Variants in TMEM132C observed in about 807,000 individuals in gnomAD.
TMEM132C encodes the protein protein phosphatase 1, regulatory subunit 152.
A neutral mutation model predicts 61.4 loss-of-function variants in TMEM132C; 29 were observed. The observed-to-expected ratio is 0.47, with a 90% CI of 0.35 to 0.64. TMEM132C has a LOEUF of 0.64. Among genes scored for constraint, TMEM132C ranks in the 30% least tolerant of loss-of-function variants. The probability of loss-of-function intolerance (pLI) is 0.00; values close to 1 mark genes in which losing one functional copy is unlikely to be tolerated. For missense variants in TMEM132C, 1,408 were observed against 1,476.9 expected, an observed-to-expected ratio of 0.95 and a Z score of 0.76; for synonymous variants, 656 against 633.1, an observed-to-expected ratio of 1.04 and a Z score of -0.54.
At chr12:128,506,723 A>G (rs887572338) in intron 2 of TMEM132C, among the ~76,000 whole-genome samples, 1 of 152,232 alleles carries the variant, frequency 6.6e-6, no homozygotes, top group East Asian at 1.9e-4. Context: ...AGTGGCTCCC[A>G]TGCTCCTGTC....
intron 2 of TMEM132C, among the ~76,000 whole-genome samples, chr12:128,451,461 C>G (rs979453817): frequency 6.6e-6 from 1 of 152,148 alleles, no homozygotes; most frequent in Non-Finnish European, 1.5e-5. Context: ...CTGCTACCCC[C>G]GGCAGGAAAG....
In TMEM132C at chr12:128,472,508, C is replaced by A. The variant is rs143916613; in HGVS notation, c.974+56888C>A. 9.8e-5 allele frequency among the ~76,000 whole-genome samples: 15 copies of A among 152,358 alleles called. No individual in the cohort carries two copies. In the East Asian group the frequency reaches 2.3e-3, roughly 24 times the overall value. On this transcript the variant is annotated intron_variant, in intron 2 of 8. Coordinates refer to ENST00000435159, the MANE Select transcript of TMEM132C (RefSeq NM_001136103.3). ...GGGGGCTCCAGGTCCAATCTGTTCC[C>A]TACCTTCCAGGGAACATGTGTGCAC...
At chr12:128,693,273 G>A (rs1954733169) in intron 5 of TMEM132C, among the ~76,000 whole-genome samples, 1 of 152,198 alleles carries the variant, frequency 6.6e-6, no homozygotes. Flanking sequence ...GGGGTGGGTT[G>A]TGGGTGCAGC....
At chr12:128,492,966 G>A (rs945090726) in intron 2 of TMEM132C, among the ~76,000 whole-genome samples, 4 of 152,026 alleles carry the variant, frequency 2.6e-5, no homozygotes, top group African/African-American at 7.2e-5. Flanking sequence ...TTTCTTCTAG[G>A]GTTTTTATGG....
chr12:128,379,204 T>C (rs1593031704), intron 1 of TMEM132C, among the ~76,000 whole-genome samples: 1 of 152,310 alleles, frequency 6.6e-6, no homozygotes, highest in African/African-American at 2.4e-5. Flanking sequence ...GGGGTTGGGT[T>C]ATGGTTGGTC....
intron 1 of TMEM132C, among the ~76,000 whole-genome samples, chr12:128,352,353 A>G (rs1873364465): frequency 6.6e-6 from 1 of 152,156 alleles, no homozygotes; most frequent in South Asian, 2.1e-4. Flanking sequence ...AGATCTCGTG[A>G]GAACTTACTC....
intron 4 of TMEM132C, among the ~76,000 whole-genome samples, chr12:128,653,559 A>G (rs7311968): frequency 6.6e-6 from 1 of 152,114 alleles, no homozygotes; most frequent in Non-Finnish European, 1.5e-5. Flanking sequence ...CCTGGGCTCC[A>G]TCCCTGGCTC....
At chr12:128,640,627 G>A (rs1954150505) in intron 4 of TMEM132C, among the ~76,000 whole-genome samples, 1 of 152,224 alleles carries the variant, frequency 6.6e-6, no homozygotes. Context: ...CAGGCTCAGT[G>A]GTTCATGCCT....
At chr12:128,341,091 C>A (rs1260151704) in intron 1 of TMEM132C, among the ~76,000 whole-genome samples, 1 of 152,030 alleles carries the variant, frequency 6.6e-6, no homozygotes, top group African/African-American at 2.4e-5. Flanking sequence ...CAGGTACCCA[C>A]TACCAGGACC....
At chr12:128,622,360 A>AAAAAAAAAAATAAAT (rs1277080166) in intron 4 of TMEM132C, among the ~76,000 whole-genome samples, 1 of 30,116 alleles carries the variant, frequency 3.3e-5, no homozygotes, top group Non-Finnish European at 5.5e-5. Context: ...AAAAAAAAAA[A>AAAAAAAAAAATAAAT]ATATATATAT....
At chr12:128,340,349 C>T (rs187495795) in intron 1 of TMEM132C, among the ~76,000 whole-genome samples, 2 of 152,174 alleles carry the variant, frequency 1.3e-5, no homozygotes, top group East Asian at 3.9e-4. Flanking sequence ...CTTCTTTCTT[C>T]TGAGTTGTTT....
chr12:128,531,362 A>G (rs1318606605), intron 2 of TMEM132C, among the ~76,000 whole-genome samples: 1 of 152,182 alleles, frequency 6.6e-6, no homozygotes, highest in African/African-American at 2.4e-5. Context: ...ACAGAAGATG[A>G]AAAAGAGCGC....
intron 3 of TMEM132C, among the ~76,000 whole-genome samples, chr12:128,614,126 C>A (rs538388693): frequency 6.6e-6 from 1 of 152,320 alleles, no homozygotes; most frequent in South Asian, 2.1e-4. Context: ...GCCTTCCATG[C>A]TCTTCCTTCT....
intron 1 of TMEM132C, among the ~76,000 whole-genome samples, chr12:128,293,373 G>A (rs1871307687): frequency 6.6e-6 from 1 of 152,100 alleles, no homozygotes; most frequent in African/African-American, 2.4e-5. Context: ...TCTTTTTAGT[G>A]CAAAATGTAA....
rs866873657 is a variant in TMEM132C at position 128,296,136 on chromosome 12, C to T, written c.85+28649C>T. ...TGATTTGAGATGCAAAGCTTTTGGCCTGATGCCTGAACCCAGGAGACAGGA... is the reference window on the plus strand; with the variant it reads ...TGATTTGAGATGCAAAGCTTTTGGCTTGATGCCTGAACCCAGGAGACAGGA... On this transcript the variant is annotated intron_variant, in intron 1 of 8. Coordinates refer to ENST00000435159, the MANE Select transcript of TMEM132C (RefSeq NM_001136103.3). Among the ~76,000 whole-genome samples the T allele has an allele frequency of 5.9e-5, 9 of 152,254 alleles. No homozygotes were observed. The South Asian group carries it at 1.5e-3, about 25-fold the overall frequency.
intron 3 of TMEM132C, among the ~76,000 whole-genome samples, chr12:128,548,470 G>A (rs555439360): frequency 5.1e-4 from 78 of 152,298 alleles, no homozygotes; most frequent in African/African-American, 1.8e-3. Context: ...GTTTGTGAAG[G>A]TGTTGCAGTA....
At chr12:128,596,360 G>A (rs1015523760) in intron 3 of TMEM132C, among the ~76,000 whole-genome samples, 15 of 148,898 alleles carry the variant, frequency 1.0e-4, no homozygotes, top group African/African-American at 2.3e-4. Context: ...TGCCCCTTTC[G>A]CAGGTCCTGG....
chr12:128,691,075 C>T (rs116387903), intron 5 of TMEM132C, among the ~76,000 whole-genome samples: 2,008 of 152,334 alleles, frequency 0.013, 43 homozygotes, highest in African/African-American at 0.046. Flanking sequence ...AGACAGAAGA[C>T]AGATAAGCAA....
intron 2 of TMEM132C, among the ~76,000 whole-genome samples, chr12:128,520,902 T>G (rs1057007164): frequency 2.0e-5 from 3 of 152,130 alleles, no homozygotes; most frequent in Admixed American, 2.0e-4. Flanking sequence ...GCTCCCATGT[T>G]GTGTGTTTGT....
Sources: allele counts gnomAD v4.1 joint callset (sites outside exome capture counted in the v4.1 genomes callset), GRCh38; gene constraint gnomAD v4.1.1; transcripts MANE v1.5; gene names NCBI Gene and HGNC (gene_info 2026-07-23, HGNC 2026-07-21).